MEI4: variants seen among roughly 807,000 people sequenced by gnomAD.
MEI4 encodes the protein meiotic double-stranded break formation protein 4.
MEI4 carries 27 observed loss-of-function variants against 31.4 expected under a neutral mutation model. That is an observed-to-expected ratio of 0.86 (90% CI 0.63 to 1.19). The LOEUF (loss-of-function observed/expected upper bound fraction) is 1.19. Ranked by LOEUF, MEI4 falls within the 50% of genes most tolerant of loss-of-function variation. MEI4 has a pLI of 0.00. For missense variants in MEI4, 329 were observed against 398.9 expected (o/e 0.82, Z 1.49); for synonymous variants, 122 against 145.4 (o/e 0.84, Z 1.16).
chr6:77,911,170 A>G (rs1429178702), intron 4 of MEI4, among the ~76,000 whole-genome samples: 2 of 152,022 alleles, frequency 1.3e-5, no homozygotes, highest in African/African-American at 4.8e-5. Context: ...ATATTAGTCC[A>G]TTTATTTAGA....
chr6:77,662,913 G>A (rs1233877380), intron 1 of MEI4, among the ~76,000 whole-genome samples: 1 of 152,198 alleles, frequency 6.6e-6, no homozygotes, highest in Non-Finnish European at 1.5e-5. Flanking sequence ...GGGGCTGTCT[G>A]TGAAGCTTTG....
chr6:77,825,551 C>G (rs10943495), intron 3 of MEI4, among the ~76,000 whole-genome samples: 2 of 152,136 alleles, frequency 1.3e-5, no homozygotes, highest in East Asian at 3.9e-4. Flanking sequence ...AGGTGCCCAC[C>G]GTCCCTTCTT....
chr6:77,651,178 G>A (rs1161181882), upstream of MEI4, among the ~76,000 whole-genome samples: 1 of 152,150 alleles, frequency 6.6e-6, no homozygotes, highest in African/African-American at 2.4e-5. Context: ...GTCCCTTTAA[G>A]GAGGGATAAG....
At position 77,707,414 on chromosome 6, in the gene MEI4, G is replaced by A. The variant is rs557273104; in HGVS notation, c.232+16511G>A. On this transcript the variant is annotated intron_variant, in intron 2 of 4. Transcript: ENST00000684080. Reference sequence around the variant, plus strand: ...GCCTATTATCAGATGTCAGAGCAAAGTAATAACTTAAAGTTGGAAGTTACA... The same window carrying A: ...GCCTATTATCAGATGTCAGAGCAAAATAATAACTTAAAGTTGGAAGTTACA... Among the ~76,000 whole-genome samples, 7 of 152,286 alleles carry A rather than the reference G, an allele frequency of 4.6e-5. No individual in the cohort carries two copies. In the East Asian group the frequency reaches 1.4e-3, roughly 29 times the overall value.
chr6:77,912,692 A>G (rs1245756409), intron 4 of MEI4, among the ~76,000 whole-genome samples: 1 of 152,014 alleles, frequency 6.6e-6, no homozygotes, highest in Non-Finnish European at 1.5e-5. Context: ...AGTTTATTAG[A>G]TCTAAGAGTT....
chr6:77,884,272 G>C (rs1328771474), intron 4 of MEI4, among the ~76,000 whole-genome samples: 1 of 152,130 alleles, frequency 6.6e-6, no homozygotes, highest in Non-Finnish European at 1.5e-5. Context: ...CAGATGAACA[G>C]TTAGCAAATA....
At chr6:77,800,705 C>T (rs866728354) in intron 3 of MEI4, among the ~76,000 whole-genome samples, 3 of 148,670 alleles carry the variant, frequency 2.0e-5, no homozygotes, top group Non-Finnish European at 4.5e-5. Flanking sequence ...GCATGAAGTG[C>T]TGTTGAATTT....
At chr6:77,798,083 C>A (rs1161756801) in intron 3 of MEI4, among the ~76,000 whole-genome samples, 1 of 151,924 alleles carries the variant, frequency 6.6e-6, no homozygotes, top group African/African-American at 2.4e-5. Context: ...ATTTTACTGA[C>A]AATAAGTCAG....
At chr6:77,703,149 C>T (rs571209743) in intron 2 of MEI4, among the ~76,000 whole-genome samples, 1 of 152,286 alleles carries the variant, frequency 6.6e-6, no homozygotes, top group East Asian at 1.9e-4. Context: ...CATGGAGGGA[C>T]ATGTTCGGTG....
chr6:77,752,629 A>G (rs1472527894), intron 2 of MEI4, among the ~76,000 whole-genome samples: 2 of 152,178 alleles, frequency 1.3e-5, no homozygotes, highest in African/African-American at 4.8e-5. Flanking sequence ...AAATAGAAAA[A>G]CTTTCCATGC....
intron 2 of MEI4, among the ~76,000 whole-genome samples, chr6:77,728,281 TA>T: frequency 6.6e-6 from 1 of 152,018 alleles, no homozygotes; most frequent in East Asian, 1.9e-4. Flanking sequence ...CTAAAGATTG[TA>T]AAAGAAGAAA....
rs569266626 is a variant in MEI4 at position 77,748,434 on chromosome 6, T to C, written c.233-12696T>C. 2.0e-5 allele frequency among the ~76,000 whole-genome samples: 3 copies of C among 152,358 alleles called. No individual in the cohort carries two copies. The South Asian group carries it at 6.2e-4, about 32-fold the overall frequency. ...ACTGAAGCAATAGCCCAAGCTTTAC[T>C]GTGGCCCCTTTCAGCTACAACTGGA... On this transcript the variant is annotated intron_variant, in intron 2 of 4. Coordinates refer to ENST00000684080, the MANE Select transcript of MEI4 (RefSeq NM_001322247.2).
intron 3 of MEI4, among the ~76,000 whole-genome samples, chr6:77,805,003 A>G (rs998318685): frequency 4.6e-5 from 7 of 152,196 alleles, no homozygotes; most frequent in African/African-American, 1.4e-4. Flanking sequence ...CATTTTAACT[A>G]TAAAACATTT....
intron 3 of MEI4, among the ~76,000 whole-genome samples, chr6:77,801,572 G>C (rs111233550): frequency 0.014 from 2,203 of 152,120 alleles, 56 homozygotes; most frequent in African/African-American, 0.05. Context: ...TCTTTTAATT[G>C]TGATGTTAGG....
intron 3 of MEI4, among the ~76,000 whole-genome samples, chr6:77,791,640 C>A (rs1482230443): frequency 6.7e-6 from 1 of 149,302 alleles, no homozygotes; most frequent in Admixed American, 6.7e-5. Context: ...ATGTAACTAA[C>A]CTGCACAATG....
At chr6:77,888,339 T>C (rs1219018228) in intron 4 of MEI4, among the ~76,000 whole-genome samples, 2 of 151,804 alleles carry the variant, frequency 1.3e-5, no homozygotes, top group Non-Finnish European at 2.9e-5. Flanking sequence ...TTTTTCTTTT[T>C]TTTTTTTCTC....
At chr6:77,702,389 T>C (rs1198537288) in intron 2 of MEI4, among the ~76,000 whole-genome samples, 1 of 152,262 alleles carries the variant, frequency 6.6e-6, no homozygotes, top group Non-Finnish European at 1.5e-5. Context: ...TTTCATAATA[T>C]AAATTGTCTA....
intron 2 of MEI4, among the ~76,000 whole-genome samples, chr6:77,733,790 G>C (rs9448182): frequency 0.16 from 23,902 of 151,760 alleles, 2,356 homozygotes; most frequent in East Asian, 0.4. Flanking sequence ...CCTCTACACA[G>C]TGCTTTGAAT....
intron 2 of MEI4, among the ~76,000 whole-genome samples, chr6:77,731,029 G>A (rs1358655240): frequency 6.6e-6 from 1 of 151,830 alleles, no homozygotes; most frequent in Admixed American, 6.6e-5. Context: ...GTCTATTGTT[G>A]TTGGACATTT....
Sources: gnomAD v4.1 joint callset for allele counts (sites outside exome capture counted in the v4.1 genomes callset) on GRCh38, gnomAD v4.1.1 for gene constraint, MANE v1.5 for transcripts, NCBI Gene and HGNC (gene_info 2026-07-23, HGNC 2026-07-21) for gene names.